Variants in NRXN3 observed in about 807,000 individuals in gnomAD.
NRXN3 encodes neurexin 3, also known as neurexin III.
A neutral mutation model predicts 137.6 loss-of-function variants in NRXN3; 32 were observed. The ratio of observed to expected loss-of-function variants is 0.23; its 90% CI spans 0.18 to 0.31. The LOEUF is 0.31. NRXN3 is among the 10% of genes least tolerant of loss of function. The probability of loss-of-function intolerance (pLI) is 1.00; values close to 1 mark genes in which losing one functional copy is unlikely to be tolerated. For synonymous variants in NRXN3, 798 were observed against 784.5 expected (o/e 1.02, Z -0.29); for missense variants, 1,574 against 2,062.5 (o/e 0.76, Z 4.59).
intron 15 of NRXN3, among the ~76,000 whole-genome samples, chr14:79,241,170 C>G (rs1042754610): frequency 6.6e-6 from 1 of 152,072 alleles, no homozygotes; most frequent in African/African-American, 2.4e-5. Context: ...GAGGGCAACT[C>G]TGAGATAGGA....
At chr14:78,352,061 C>T (rs2083591351) in intron 4 of NRXN3, among the ~76,000 whole-genome samples, 1 of 146,082 alleles carries the variant, frequency 6.8e-6, no homozygotes. Context: ...GCACTCCAGC[C>T]TGGGCAACAG....
At chr14:79,154,293 G>A (rs1223062901) in intron 15 of NRXN3, among the ~76,000 whole-genome samples, 2 of 151,872 alleles carry the variant, frequency 1.3e-5, no homozygotes, top group Non-Finnish European at 2.9e-5. Context: ...CACTTGGAGG[G>A]CAGAGACTAT....
chr14:79,125,160 G>A (rs1476462122), intron 15 of NRXN3, among the ~76,000 whole-genome samples: 1 of 152,130 alleles, frequency 6.6e-6, no homozygotes, highest in Non-Finnish European at 1.5e-5. Context: ...TCATCTGGCT[G>A]TCCCTTTTCA....
At chr14:79,264,558 G>A (rs1286966675) in intron 15 of NRXN3, among the ~76,000 whole-genome samples, 2 of 150,010 alleles carry the variant, frequency 1.3e-5, no homozygotes, top group Non-Finnish European at 3.0e-5. Flanking sequence ...GTGTGTGTGT[G>A]CGCGCGTGCA....
rs1417826167 is a variant in NRXN3 at position 79,026,985 on chromosome 14, T to G, written c.3262+38844T>G. ...ATATATATATATATATATATATATA[T>G]ATATATATATATATATATATCATAG... On this transcript the variant is annotated intron_variant, in intron 15 of 20. Coordinates refer to ENST00000335750, the MANE Select transcript of NRXN3 (RefSeq NM_001330195.2). Among the ~76,000 whole-genome samples the G allele has an allele frequency of 4.8e-4, 4 of 8,414 alleles. No homozygotes were observed. The East Asian group carries it at 0.023, about 48-fold the overall frequency. 5.5% of individuals were successfully genotyped at this position (8,414 alleles called of 152,430 possible). A position where few individuals can be genotyped will look rare whatever the true frequency, so the allele number is the denominator to read the frequency against.
intron 16 of NRXN3, among the ~76,000 whole-genome samples, chr14:79,517,896 C>CTTTTTTTTTTTT (rs34241975): frequency 2.7e-5 from 2 of 73,354 alleles, no homozygotes; most frequent in Non-Finnish European, 2.4e-5. Context: ...CCTGACTTTC[C>CTTTTTTTTTTTT]TTTTTTTTTT....
intron 17 of NRXN3, among the ~76,000 whole-genome samples, chr14:79,683,578 A>G (rs1318006711): frequency 2.0e-5 from 3 of 152,084 alleles, no homozygotes; most frequent in African/African-American, 7.2e-5. Flanking sequence ...ATAAAAGTAA[A>G]ATTTATTATC....
At chr14:79,735,877 A>G (rs540194836) in intron 19 of NRXN3, among the ~76,000 whole-genome samples, 3 of 152,330 alleles carry the variant, frequency 2.0e-5, no homozygotes, top group South Asian at 2.1e-4. Flanking sequence ...TGTGTTTAAA[A>G]TAATTAGCTC....
At chr14:79,065,034 A>C (rs561283862) in intron 15 of NRXN3, among the ~76,000 whole-genome samples, 31 of 152,094 alleles carry the variant, frequency 2.0e-4, no homozygotes, top group African/African-American at 7.0e-4. Context: ...CATTATTTTG[A>C]GTTTGCTGTA....
At chr14:78,361,733 G>T (rs986670981) in intron 4 of NRXN3, among the ~76,000 whole-genome samples, 1 of 152,172 alleles carries the variant, frequency 6.6e-6, no homozygotes, top group Non-Finnish European at 1.5e-5. Flanking sequence ...GTGGCATAGT[G>T]TATTATCTAT....
At chr14:79,061,332 T>C (rs1568153105) in intron 15 of NRXN3, among the ~76,000 whole-genome samples, 1 of 152,202 alleles carries the variant, frequency 6.6e-6, no homozygotes, top group Non-Finnish European at 1.5e-5. Context: ...TGCTATCTGA[T>C]ACAGAGATCT....
At chr14:79,307,722 A>G (rs1288001073) in intron 15 of NRXN3, among the ~76,000 whole-genome samples, 1 of 152,016 alleles carries the variant, frequency 6.6e-6, no homozygotes. Context: ...TTATTTTACC[A>G]TAGATTAGTG....
intron 4 of NRXN3, among the ~76,000 whole-genome samples, chr14:78,406,795 G>A (rs1008136416): frequency 6.6e-6 from 1 of 152,210 alleles, no homozygotes; most frequent in Non-Finnish European, 1.5e-5. Flanking sequence ...GAGGTTGGAG[G>A]TGGGGGTGAG....
At chr14:78,884,017 G>A (rs2099136360) in intron 10 of NRXN3, among the ~76,000 whole-genome samples, 2 of 152,234 alleles carry the variant, frequency 1.3e-5, no homozygotes, top group Non-Finnish European at 2.9e-5. Flanking sequence ...ATTAAATCTT[G>A]TTTCCTTTAC....
chr14:78,611,021 C>T (rs142438139), intron 4 of NRXN3, among the ~76,000 whole-genome samples: 10 of 152,168 alleles, frequency 6.6e-5, no homozygotes, highest in Non-Finnish European at 1.5e-4. Context: ...CTCTCACTTC[C>T]CTCCCTGACA....
intron 15 of NRXN3, among the ~76,000 whole-genome samples, chr14:79,425,985 T>C (rs1038040707): frequency 2.0e-5 from 3 of 150,634 alleles, no homozygotes; most frequent in Admixed American, 1.3e-4. Flanking sequence ...GGGATGAGAG[T>C]CTGGAGAGAA....
At chr14:79,385,628 G>C (rs1371036150) in intron 15 of NRXN3, among the ~76,000 whole-genome samples, 2 of 152,138 alleles carry the variant, frequency 1.3e-5, no homozygotes, top group African/African-American at 4.8e-5. Flanking sequence ...TCAGACTTGG[G>C]CACCATCCTT....
At chr14:79,205,278 T>G (rs1478234435) in intron 15 of NRXN3, among the ~76,000 whole-genome samples, 1 of 152,232 alleles carries the variant, frequency 6.6e-6, no homozygotes, top group Non-Finnish European at 1.5e-5. Flanking sequence ...TTCAATCCAT[T>G]TAACAGTTAG....
In NRXN3 at chr14:78,803,773, C is replaced by G; in HGVS notation, c.2198C>G (p.Thr733Ser). The change falls in exon 9 of 21, where the codon ACC becomes AGC. Residue 733 changes from threonine to serine, a missense_variant. Around this residue, in one of 5 missense-constraint regions of NRXN3, gnomAD observed 718 missense variants for 887.6 expected, o/e 0.81. Coordinates refer to ENST00000335750, the MANE Select transcript of NRXN3 (RefSeq NM_001330195.2). Reference sequence around the variant, plus strand: ...ACGACCTCCAGGGACTCTGCCGACACCCTGCGTCTGGAGCTGGATGGGGGG... The same window carrying G: ...ACGACCTCCAGGGACTCTGCCGACAGCCTGCGTCTGGAGCTGGATGGGGGG... ...VATTSRDSADTLRLELDGGRV... is the reference protein window; with the variant it reads ...VATTSRDSADSLRLELDGGRV... 1.9e-6 allele frequency: 3 copies of G among 1,614,062 alleles called. No homozygotes were observed. The highest frequency in any genetic ancestry group is 2.5e-6 in the Non-Finnish European group (3 of 1,179,994).
Sources: allele counts gnomAD v4.1 joint callset (sites outside exome capture counted in the v4.1 genomes callset), GRCh38; gene constraint gnomAD v4.1.1; regional missense constraint gnomAD v4.1.1; transcripts MANE v1.5; gene names NCBI Gene and HGNC (gene_info 2026-07-23, HGNC 2026-07-21).